The following ERBB4 variants were observed in gnomAD, a reference collection of about 807,000 sequenced individuals.
ERBB4 encodes erb-b2 receptor tyrosine kinase 4.
In ERBB4, 42 loss-of-function variants were observed where a neutral mutation model predicts 158.0. The ratio of observed to expected loss-of-function variants is 0.27; its 90% CI spans 0.21 to 0.34. ERBB4 has a LOEUF of 0.34. Among genes scored for constraint, ERBB4 ranks in the 10% least tolerant of loss-of-function variants. The pLI, the probability that ERBB4 is intolerant of heterozygous loss-of-function variation, is 1.00. For synonymous variants in ERBB4, 583 were observed against 558.7 expected (o/e 1.04, Z -0.61); for missense variants, 1,333 against 1,624.1 (o/e 0.82, Z 3.08).
At chr2:211,878,669 T>TTTTTTC (rs1273371569) in intron 3 of ERBB4, among the ~76,000 whole-genome samples, 2 of 150,616 alleles carry the variant, frequency 1.3e-5, no homozygotes, top group Admixed American at 6.6e-5. Context: ...TTTTTTTTTT[T>TTTTTTC]TCCTTGAGAT....
intron 1 of ERBB4, among the ~76,000 whole-genome samples, chr2:212,519,368 C>A (rs1235317206): frequency 1.3e-5 from 2 of 151,856 alleles, no homozygotes; most frequent in African/African-American, 2.4e-5. Context: ...TACAATTTCC[C>A]AATTATCTTC....
intron 19 of ERBB4, among the ~76,000 whole-genome samples, chr2:211,610,375 T>A (rs1486197636): frequency 6.6e-6 from 1 of 152,176 alleles, no homozygotes; most frequent in Non-Finnish European, 1.5e-5. Flanking sequence ...AGGAACAGTA[T>A]TTTGTATCCT....
chr2:212,296,046 T>C (rs2086398507), intron 1 of ERBB4, among the ~76,000 whole-genome samples: 1 of 152,040 alleles, frequency 6.6e-6, no homozygotes, highest in Admixed American at 6.6e-5. Context: ...AGCTCTGTTG[T>C]CTTTCTGTAA....
At chr2:211,961,535 G>T (rs1420518018) in intron 2 of ERBB4, among the ~76,000 whole-genome samples, 1 of 151,812 alleles carries the variant, frequency 6.6e-6, no homozygotes, top group African/African-American at 2.4e-5. Context: ...TAACACAAGT[G>T]ACAGACTAAC....
chr2:211,700,095 G>T (rs561067313), intron 12 of ERBB4, among the ~76,000 whole-genome samples: 19 of 152,142 alleles, frequency 1.2e-4, no homozygotes, highest in African/African-American at 4.6e-4. Context: ...ATTTTTGAAA[G>T]GTAGTGGTAC....
chr2:211,630,417 G>T, intron 17 of ERBB4, 45 bp downstream of exon 17: 1 of 1,608,744 alleles, frequency 6.2e-7, no homozygotes, highest in Non-Finnish European at 8.5e-7. Context: ...TTCTAAACCT[G>T]ATGAAAATCC....
intron 5 of ERBB4, among the ~76,000 whole-genome samples, chr2:211,740,848 G>T (rs935928553): frequency 7.2e-5 from 11 of 151,980 alleles, no homozygotes; most frequent in African/African-American, 2.7e-4. Context: ...CTGACCTGGT[G>T]ATCCACCTGC....
intron 20 of ERBB4, among the ~76,000 whole-genome samples, chr2:211,454,862 G>A (rs2064340039): frequency 1.3e-5 from 2 of 152,192 alleles, no homozygotes; most frequent in South Asian, 4.1e-4. Context: ...GCTTGTCAGT[G>A]CCTCCCCGCC....
chr2:212,256,758 T>C (rs528722414), intron 1 of ERBB4, among the ~76,000 whole-genome samples: 1 of 152,286 alleles, frequency 6.6e-6, no homozygotes, highest in East Asian at 1.9e-4. Flanking sequence ...TTTTAAAACC[T>C]ACACATTTTT....
At chr2:211,754,879 T>G (rs1438518725) in intron 4 of ERBB4, among the ~76,000 whole-genome samples, 4 of 152,038 alleles carry the variant, frequency 2.6e-5, no homozygotes, top group African/African-American at 9.7e-5. Context: ...TTTGTGTTTT[T>G]TAGTAGAGAC....
chr2:212,152,620 T>C (rs1357661283), intron 1 of ERBB4, among the ~76,000 whole-genome samples: 3 of 152,192 alleles, frequency 2.0e-5, no homozygotes, highest in African/African-American at 4.8e-5. Context: ...ACTTTCTTCA[T>C]ACTGATGATC....
chr2:212,230,869 A>G (rs1234977179), intron 1 of ERBB4, among the ~76,000 whole-genome samples: 1 of 152,198 alleles, frequency 6.6e-6, no homozygotes, highest in Admixed American at 6.5e-5. Context: ...CAGGAATCAT[A>G]GGGAAATGAT....
intron 1 of ERBB4, among the ~76,000 whole-genome samples, chr2:212,279,213 C>A (rs2085660818): frequency 6.6e-6 from 1 of 151,390 alleles, no homozygotes; most frequent in South Asian, 2.1e-4. Flanking sequence ...CTCTTGCTTT[C>A]TAGAACTTTT....
At chr2:211,584,584 T>C (rs879831843) in intron 19 of ERBB4, among the ~76,000 whole-genome samples, 2 of 152,052 alleles carry the variant, frequency 1.3e-5, no homozygotes, top group Admixed American at 1.3e-4. Context: ...TTTTGAGTAC[T>C]AGTTTTCTGT....
intron 1 of ERBB4, among the ~76,000 whole-genome samples, chr2:212,466,696 G>A (rs1688852308): frequency 6.6e-6 from 1 of 152,182 alleles, no homozygotes; most frequent in Non-Finnish European, 1.5e-5. Context: ...ATCAGCAGGT[G>A]AAAATGGACT....
intron 1 of ERBB4, among the ~76,000 whole-genome samples, chr2:212,466,537 T>A (rs1244655036): frequency 6.6e-6 from 1 of 152,218 alleles, no homozygotes; most frequent in Non-Finnish European, 1.5e-5. Context: ...TTCTCTGCAC[T>A]AGCTCTCTTA....
intron 9 of ERBB4, 141 bp from the exon 10 acceptor site, chr2:211,705,532 C>G: frequency 1.5e-6 from 1 of 658,796 alleles, no homozygotes; most frequent in Non-Finnish European, 2.7e-6. Flanking sequence ...TTAATCTGTG[C>G]TAGATGTGGA....
intron 4 of ERBB4, among the ~76,000 whole-genome samples, chr2:211,752,782 C>G (rs1345521719): frequency 6.6e-6 from 1 of 151,508 alleles, no homozygotes; most frequent in Non-Finnish European, 1.5e-5. Context: ...GCAAGGCCCA[C>G]CTATTTGAAA....
chr2:212,525,672 TA>T (rs1182183393), intron 1 of ERBB4, among the ~76,000 whole-genome samples: 2 of 151,992 alleles, frequency 1.3e-5, no homozygotes, highest in Non-Finnish European at 2.9e-5. Context: ...TCACACTAGT[TA>T]AACCTCATTA....
Sources: gnomAD v4.1 joint callset for allele counts (sites outside exome capture counted in the v4.1 genomes callset) on GRCh38, gnomAD v4.1.1 for gene constraint, MANE v1.5 for transcripts, NCBI Gene and HGNC (gene_info 2026-07-23, HGNC 2026-07-21) for gene names.